Variants in SMG6 observed in about 807,000 individuals in gnomAD.
The protein encoded by SMG6 is SMG6 nonsense mediated mRNA decay factor.
Under a neutral mutation model 142.2 loss-of-function variants are expected in SMG6, and 66 were observed. The ratio of observed to expected loss-of-function variants is 0.46; its 90% confidence interval spans 0.38 to 0.57. The LOEUF is 0.57. SMG6 is among the 20% of genes least tolerant of loss of function. The probability of loss-of-function intolerance (pLI) is 0.00; values close to 1 mark genes in which losing one functional copy is unlikely to be tolerated. For missense variants in SMG6, 1,793 were observed against 1,832.0 expected (o/e 0.98, Z 0.39); for synonymous variants, 779 against 702.4 (o/e 1.11, Z -1.72).
At chr17:2,121,135 G>A (rs1443321279) in intron 13 of SMG6, among the ~76,000 whole-genome samples, 1 of 152,144 alleles carries the variant, frequency 6.6e-6, no homozygotes, top group Non-Finnish European at 1.5e-5. Context: ...TCTAATCTCT[G>A]ACTCAGCAAT....
At position 2,060,409 on chromosome 17, in the gene SMG6, T is replaced by G. The variant is rs1381164419; in HGVS notation, c.*1083A>C. On this transcript the variant is annotated 3_prime_UTR_variant, in exon 19 of 19. Transcript: ENST00000263073. ...GCCCCAGCACTGGAATGCCTCAGGC[T>G]GGGCTGTCCACGCCTGGAAGTTTCT... The G allele has an allele frequency of 6.6e-6, 1 of 152,300 alleles. No homozygotes were observed. The highest frequency in any genetic ancestry group is 1.5e-5 in the Non-Finnish European group (1 of 68,100). 9.4% of individuals were successfully genotyped at this position (152,300 alleles called of 1,614,324 possible). A position where few individuals can be genotyped will look rare whatever the true frequency, so the allele number is the denominator to read the frequency against.
rs559087328 is a variant in SMG6, at chr17:2,291,272, C to A, written c.2337+1280G>T. 2.2e-3 allele frequency among the ~76,000 whole-genome samples: 334 copies of A among 151,378 alleles called. 1 individual carries two copies. The highest frequency in any genetic ancestry group is 5.2e-3 in the African/African-American group (216 of 41,214). On this transcript the variant is annotated intron_variant, in intron 6 of 18. Coordinates refer to ENST00000263073, the MANE Select transcript of SMG6 (RefSeq NM_017575.5). ...CGTGAACCCGGGAGGCGGAGCTTGC[C>A]GTGAGCCGAGATCGCGCCACTGCAC... is the stretch of plus-strand genomic sequence containing the variant.
At chr17:2,128,591 C>A (rs1236534173) in intron 13 of SMG6, among the ~76,000 whole-genome samples, 2 of 152,044 alleles carry the variant, frequency 1.3e-5, no homozygotes, top group African/African-American at 4.8e-5. Context: ...GCATTGTATA[C>A]CCACTATTGC....
intron 14 of SMG6, among the ~76,000 whole-genome samples, chr17:2,083,290 G>A (rs1022341243): frequency 6.6e-6 from 1 of 152,188 alleles, no homozygotes; most frequent in African/African-American, 2.4e-5. Flanking sequence ...TTGACTGAAA[G>A]GGATTACTCA....
chr17:2,182,557 A>G (rs2071839217), intron 12 of SMG6, among the ~76,000 whole-genome samples: 3 of 152,168 alleles, frequency 2.0e-5, no homozygotes, highest in Admixed American at 2.0e-4. Context: ...GAATCAGACT[A>G]CACAGTCCAC....
intron 13 of SMG6, among the ~76,000 whole-genome samples, chr17:2,154,612 A>G (rs1567642522): frequency 6.6e-6 from 1 of 152,202 alleles, no homozygotes; most frequent in Non-Finnish European, 1.5e-5. Context: ...CCAAAAGAGC[A>G]AAGTGTATAT....
At chr17:2,087,253 G>C in intron 13 of SMG6, 1 of 1,287,310 alleles carries the variant, frequency 7.8e-7, no homozygotes, top group Non-Finnish European at 1.0e-6. Context: ...GGGAAGCTCG[G>C]CTGGGTACCA....
At chr17:2,080,200 C>T (rs575936610) in intron 15 of SMG6, among the ~76,000 whole-genome samples, 2 of 152,144 alleles carry the variant, frequency 1.3e-5, no homozygotes, top group South Asian at 4.1e-4. Flanking sequence ...GGGCAGATCA[C>T]CTGAGGTCAG....
At position 2,109,346 on chromosome 17, in the gene SMG6, C is replaced by T. The variant is rs369011965; in HGVS notation, c.3358-23445G>A. On this transcript the variant is annotated intron_variant, in intron 13 of 18. Coordinates refer to ENST00000263073, the MANE Select transcript of SMG6 (RefSeq NM_017575.5). ...TGGCACAATCTTGGCTCACTCCAAC[C>T]TCCACCTCCTGGGTTCAAGTGATTC... 8.6e-4 allele frequency among the ~76,000 whole-genome samples: 131 copies of T among 152,316 alleles called. 1 individual carries two copies. In the South Asian group the frequency reaches 0.026, roughly 30 times the overall value.
At position 2,068,640 on chromosome 17, in the gene SMG6, C is replaced by G. The variant is rs1420545405; in HGVS notation, c.3835+138G>C. The G allele has an allele frequency of 1.2e-6, 1 of 811,754 alleles. No individual in the cohort carries two copies. The highest frequency in any genetic ancestry group is 1.7e-5 in the African/African-American group (1 of 57,840). 50.3% of individuals were successfully genotyped at this position (811,754 alleles called of 1,614,324 possible). ...ATTAAACAGTTTTCTTTGCCCCACG[C>G]GTTCCCTACTCCCCTGCAAATCCCA... On this transcript the variant is annotated intron_variant, in intron 16 of 18. Transcript: ENST00000263073. This position sits in a 1 kb window ranked among gnomAD's most constrained non-coding sequence, Gnocchi z 6.7.
At chr17:2,137,326 T>C (rs748825613) in intron 13 of SMG6, among the ~76,000 whole-genome samples, 2 of 152,180 alleles carry the variant, frequency 1.3e-5, no homozygotes, top group Non-Finnish European at 2.9e-5. Context: ...GAAATGTTTT[T>C]CCAGCTCAAA....
intron 13 of SMG6, among the ~76,000 whole-genome samples, chr17:2,130,669 G>A (rs1567622214): frequency 6.6e-6 from 1 of 151,622 alleles, no homozygotes; most frequent in African/African-American, 2.4e-5. Context: ...ATGACCTCAG[G>A]GTATGTAAGG....
intron 8 of SMG6, among the ~76,000 whole-genome samples, chr17:2,248,976 T>G (rs2073984706): frequency 6.6e-6 from 1 of 151,496 alleles, no homozygotes; most frequent in Admixed American, 6.6e-5. Flanking sequence ...AAGCTCCGCC[T>G]CCCGGGTTCA....
At chr17:2,240,571 T>C (rs1372646997) in intron 9 of SMG6, among the ~76,000 whole-genome samples, 2 of 152,316 alleles carry the variant, frequency 1.3e-5, no homozygotes, top group Non-Finnish European at 1.5e-5. Context: ...TCAGGTTAGT[T>C]GAAGCCCGCA....
chr17:2,173,408 C>A (rs1310093011), intron 12 of SMG6, among the ~76,000 whole-genome samples: 1 of 152,152 alleles, frequency 6.6e-6, no homozygotes, highest in African/African-American at 2.4e-5. Context: ...ATCAATCAAC[C>A]AATCACACAA....
At chr17:2,110,735 A>G (rs1325113725) in intron 13 of SMG6, among the ~76,000 whole-genome samples, 1 of 152,194 alleles carries the variant, frequency 6.6e-6, no homozygotes, top group African/African-American at 2.4e-5. Flanking sequence ...CTCAAATGAC[A>G]AAAAGTTGGG....
intron 1 of SMG6, 192 bp downstream of exon 1, chr17:2,303,441 C>G: frequency 2.3e-6 from 3 of 1,298,668 alleles, no homozygotes; most frequent in Non-Finnish European, 2.9e-6. Context: ...CTGGCCAGGA[C>G]TGGCCGAGCC....
At chr17:2,284,149 T>C (rs899122504) in intron 6 of SMG6, among the ~76,000 whole-genome samples, 6 of 152,178 alleles carry the variant, frequency 3.9e-5, no homozygotes, top group African/African-American at 1.4e-4. Flanking sequence ...TACTGGCTAA[T>C]CCAGGAGTTG....
At chr17:2,127,689 T>C in intron 13 of SMG6, 2 of 568,392 alleles carry the variant, frequency 3.5e-6, no homozygotes, top group Non-Finnish European at 7.0e-6. Flanking sequence ...TGAAGTCTAA[T>C]TTAGTATCTG....
Sources: allele counts gnomAD v4.1 joint callset (sites outside exome capture counted in the v4.1 genomes callset), GRCh38; gene constraint gnomAD v4.1.1; non-coding constraint Gnocchi (gnomAD v3.1); transcripts MANE v1.5; gene names NCBI Gene and HGNC (gene_info 2026-07-23, HGNC 2026-07-21).